Variants in BNC2 observed in about 807,000 individuals in gnomAD.
BNC2 encodes the protein zinc finger protein basonuclin-2.
In BNC2, 20 loss-of-function variants were observed where a neutral mutation model predicts 76.3. The observed-to-expected ratio is 0.26, with a 90% CI of 0.18 to 0.38. BNC2 has a LOEUF of 0.38. BNC2 is among the 10% of genes least tolerant of loss of function. The pLI is 1.00. For missense variants in BNC2, 1,382 were observed against 1,399.8 expected (o/e 0.99, Z 0.20); for synonymous variants, 582 against 514.8 (o/e 1.13, Z -1.77).
At chr9:16,455,807 T>A (rs944833807) in intron 5 of BNC2, among the ~76,000 whole-genome samples, 15 of 143,962 alleles carry the variant, frequency 1.0e-4, no homozygotes, top group African/African-American at 3.9e-4. Flanking sequence ...AAAAAAAAAA[T>A]CATACAAGGA....
At chr9:16,552,983 G>T in intron 4 of BNC2, among the ~76,000 whole-genome samples, 2 of 152,046 alleles carry the variant, frequency 1.3e-5, no homozygotes, top group Non-Finnish European at 2.9e-5. Flanking sequence ...AATTGGATGT[G>T]TTTATAAATT....
At chr9:16,786,825 A>C (rs1357464431) in intron 1 of BNC2, among the ~76,000 whole-genome samples, 1 of 152,118 alleles carries the variant, frequency 6.6e-6, no homozygotes, top group East Asian at 1.9e-4. Context: ...CTGCGGCACA[A>C]TAACTCCCAC....
At chr9:16,693,127 C>CAAAAAAAAA (rs34223075) in intron 3 of BNC2, among the ~76,000 whole-genome samples, 1 of 60,470 alleles carries the variant, frequency 1.7e-5, no homozygotes, top group African/African-American at 7.6e-5. Flanking sequence ...AAGACAGTCT[C>CAAAAAAAAA]AAAAAAAAAA....
intron 6 of BNC2, among the ~76,000 whole-genome samples, chr9:16,425,283 G>T (rs750569454): frequency 6.6e-6 from 1 of 152,152 alleles, no homozygotes; most frequent in African/African-American, 2.4e-5. Context: ...TTACTGCACA[G>T]ATACGGCACG....
intron 1 of BNC2, among the ~76,000 whole-genome samples, chr9:16,860,923 G>C (rs1254965434): frequency 6.6e-6 from 1 of 151,772 alleles, no homozygotes; most frequent in Non-Finnish European, 1.5e-5. Flanking sequence ...GCACATGCCT[G>C]TAATGCCAGC....
At chr9:16,694,879 C>A (rs905897788) in intron 3 of BNC2, among the ~76,000 whole-genome samples, 1 of 152,142 alleles carries the variant, frequency 6.6e-6, no homozygotes, top group African/African-American at 2.4e-5. Flanking sequence ...CCCCCCCACC[C>A]CCATCCCAAA....
intron 3 of BNC2, among the ~76,000 whole-genome samples, chr9:16,633,867 C>G (rs1038742666): frequency 5.3e-5 from 8 of 152,106 alleles, no homozygotes; most frequent in Non-Finnish European, 1.0e-4. Context: ...AAAACATACC[C>G]CAACAGGTAA....
chr9:16,724,096 G>T (rs1445054960), intron 3 of BNC2, among the ~76,000 whole-genome samples: 1 of 151,866 alleles, frequency 6.6e-6, no homozygotes, highest in Non-Finnish European at 1.5e-5. Context: ...CTTATTAAGG[G>T]ATCTACATTT....
chr9:16,723,346 G>C (rs1191369957), intron 3 of BNC2, among the ~76,000 whole-genome samples: 1 of 152,018 alleles, frequency 6.6e-6, no homozygotes, highest in Non-Finnish European at 1.5e-5. Flanking sequence ...ATGTAAAAAG[G>C]GATGTCTATT....
At chr9:16,685,432 C>T (rs1169087565) in intron 3 of BNC2, 4 of 534,234 alleles carry the variant, frequency 7.5e-6, no homozygotes, top group African/African-American at 3.9e-5. Context: ...TTCCTCTTTA[C>T]ACCTAACTCA....
intron 5 of BNC2, among the ~76,000 whole-genome samples, chr9:16,470,932 C>A (rs1587067261): frequency 6.6e-6 from 1 of 152,194 alleles, no homozygotes; most frequent in African/African-American, 2.4e-5. Context: ...GGGCCACCGA[C>A]CTTTAGACCC....
At chr9:16,573,274 A>T (rs911478571) in intron 4 of BNC2, among the ~76,000 whole-genome samples, 1 of 152,040 alleles carries the variant, frequency 6.6e-6, no homozygotes, top group Non-Finnish European at 1.5e-5. Context: ...ATTCAAGCCA[A>T]GATACAGAAT....
chr9:16,746,972 A>AT (rs1825028254), intron 1 of BNC2, among the ~76,000 whole-genome samples: 1 of 151,700 alleles, frequency 6.6e-6, no homozygotes, highest in South Asian at 2.1e-4. Flanking sequence ...AAAAAAAAAA[A>AT]AAATTAATCC....
chr9:16,694,637 A>G (rs1823281991), intron 3 of BNC2, among the ~76,000 whole-genome samples: 1 of 152,188 alleles, frequency 6.6e-6, no homozygotes, highest in Non-Finnish European at 1.5e-5. Flanking sequence ...GTCGAAGATC[A>G]ATGAATCAAC....
At chr9:16,616,888 T>C (rs567166053) in intron 3 of BNC2, among the ~76,000 whole-genome samples, 27 of 152,122 alleles carry the variant, frequency 1.8e-4, no homozygotes, top group African/African-American at 5.8e-4. Context: ...TAGCATTTCA[T>C]AGTATGTTCT....
chr9:16,554,312 T>C (rs1818755610), intron 4 of BNC2, among the ~76,000 whole-genome samples: 1 of 152,206 alleles, frequency 6.6e-6, no homozygotes, highest in African/African-American at 2.4e-5. Context: ...TCCACTCTCA[T>C]TTCCTCCTGA....
At chr9:16,724,657 T>G (rs1419853440) in intron 3 of BNC2, among the ~76,000 whole-genome samples, 1 of 152,144 alleles carries the variant, frequency 6.6e-6, no homozygotes, top group Admixed American at 6.5e-5. Flanking sequence ...TTGTGATTAT[T>G]TGTTACTATT....
At position 16,413,278 on chromosome 9, in the gene BNC2, A is replaced by G. The variant is rs918245095; in HGVS notation, c.*5711T>C. The G allele has an allele frequency of 3.3e-5, 5 of 152,064 alleles. No individual in the cohort carries two copies. The highest frequency in any genetic ancestry group is 7.4e-5 in the Non-Finnish European group (5 of 68,008). The allele number at this position is 152,064 out of a possible 1,614,324, so 9.4% of individuals were successfully genotyped here. On this transcript the variant is annotated 3_prime_UTR_variant, in exon 7 of 7. Coordinates refer to ENST00000380672, the MANE Select transcript of BNC2 (RefSeq NM_017637.6). Reference sequence around the variant, plus strand: ...AAGATAGTTTTATGACAACTATAGTATGTTGCTCCAAAAATATATATAGCA... The same window carrying G: ...AAGATAGTTTTATGACAACTATAGTGTGTTGCTCCAAAAATATATATAGCA...
chr9:16,619,590 A>G (rs1820807187), intron 3 of BNC2, among the ~76,000 whole-genome samples: 1 of 152,204 alleles, frequency 6.6e-6, no homozygotes, highest in Non-Finnish European at 1.5e-5. Context: ...ACTATTTGAC[A>G]TTATTATTTG....
Sources: gnomAD v4.1 joint callset for allele counts (sites outside exome capture counted in the v4.1 genomes callset) on GRCh38, gnomAD v4.1.1 for gene constraint, MANE v1.5 for transcripts, NCBI Gene and HGNC (gene_info 2026-07-23, HGNC 2026-07-21) for gene names.